Variants in WDSUB1 observed in about 807,000 individuals in gnomAD.
WDSUB1 encodes WD repeat, sterile alpha motif and U-box domain containing 1.
A neutral mutation model predicts 53.9 loss-of-function variants in WDSUB1; 49 were observed. The ratio of observed to expected loss-of-function variants is 0.91; its 90% CI spans 0.72 to 1.15. The LOEUF (loss-of-function observed/expected upper bound fraction) is 1.15. Among genes scored for constraint, WDSUB1 ranks in the 50% most tolerant of loss-of-function variants. The probability of loss-of-function intolerance (pLI) is 0.00; values close to 1 mark genes in which losing one functional copy is unlikely to be tolerated. For synonymous variants in WDSUB1, 194 were observed against 200.6 expected, an observed-to-expected ratio of 0.97 and a Z score of 0.28; for missense variants, 514 against 562.0, an observed-to-expected ratio of 0.91 and a Z score of 0.86.
At chr2:159,243,914 C>T (rs2060721470) in intron 10 of WDSUB1, among the ~76,000 whole-genome samples, 1 of 152,126 alleles carries the variant, frequency 6.6e-6, no homozygotes, top group South Asian at 2.1e-4. Context: ...AATTAAACTG[C>T]TTTGTGCAAC....
chr2:159,250,457 A>G (rs1559535588), intron 9 of WDSUB1, among the ~76,000 whole-genome samples: 1 of 152,238 alleles, frequency 6.6e-6, no homozygotes, highest in African/African-American at 2.4e-5. Context: ...ATTTCAACAC[A>G]AAGTACTCAA....
chr2:159,281,389 C>T (rs1347573265), intron 2 of WDSUB1, among the ~76,000 whole-genome samples: 2 of 152,130 alleles, frequency 1.3e-5, no homozygotes, highest in East Asian at 1.9e-4. Context: ...CAGGCACACG[C>T]CACCACGCCT....
chr2:159,273,960 T>C (rs868287071), intron 4 of WDSUB1, among the ~76,000 whole-genome samples: 8 of 152,194 alleles, frequency 5.3e-5, no homozygotes, highest in Admixed American at 3.9e-4. Flanking sequence ...AATAATATTC[T>C]GAGGCTCCTG....
intron 9 of WDSUB1, among the ~76,000 whole-genome samples, chr2:159,251,539 A>C (rs973748939): frequency 6.6e-6 from 1 of 152,152 alleles, no homozygotes; most frequent in Admixed American, 6.5e-5. Flanking sequence ...CTCTACCGGA[A>C]CCAAACATCT....
chr2:159,275,471 T>C (rs557949821), intron 4 of WDSUB1, 75 bp downstream of exon 4: 1 of 1,231,524 alleles, frequency 8.1e-7, no homozygotes, highest in East Asian at 2.5e-5. Context: ...TCAAGGTACC[T>C]TAAGTAAAAA....
intron 6 of WDSUB1, 23 bp downstream of exon 6, chr2:159,259,787 C>A: frequency 6.6e-7 from 1 of 1,513,240 alleles, no homozygotes; most frequent in Non-Finnish European, 9.0e-7. Flanking sequence ...TCATAGATCA[C>A]CACAAGATTT....
intron 10 of WDSUB1, among the ~76,000 whole-genome samples, chr2:159,237,695 C>G (rs2060520975): frequency 1.0e-5 from 1 of 99,172 alleles, no homozygotes; most frequent in South Asian, 2.7e-4. Flanking sequence ...AGCATACTAG[C>G]CACACTATTT....
intron 4 of WDSUB1, among the ~76,000 whole-genome samples, chr2:159,272,010 T>C (rs532082242): frequency 3.9e-5 from 6 of 152,284 alleles, no homozygotes; most frequent in Non-Finnish European, 7.4e-5. Flanking sequence ...TAAAGTCAAA[T>C]TTTTAAAGAA....
rs181525950 is a variant in WDSUB1, at chr2:159,257,889, G to A, written c.846-25C>T. On this transcript the variant is annotated intron_variant, in intron 7 of 10. Coordinates refer to ENST00000359774, the MANE Select transcript of WDSUB1 (RefSeq NM_001128212.3). ...CCTAGTTAATAAAAACAACTATTAT[G>A]TATCTTCTGACTAATTTTTAAATTA... The A allele has an allele frequency of 8.3e-5, 134 of 1,610,826 alleles. No individual in the cohort carries two copies. In the East Asian group the frequency reaches 2.2e-3, roughly 26 times the overall value.
At chr2:159,262,260 T>C (rs1259528871) in intron 5 of WDSUB1, among the ~76,000 whole-genome samples, 1 of 151,840 alleles carries the variant, frequency 6.6e-6, no homozygotes, top group Non-Finnish European at 1.5e-5. Context: ...TCTATGAGCA[T>C]TGGATTGGGA....
chr2:159,285,726 G>A (rs976937008), intron 1 of WDSUB1, among the ~76,000 whole-genome samples: 22 of 152,050 alleles, frequency 1.4e-4, no homozygotes, highest in African/African-American at 5.3e-4. Flanking sequence ...AAATATTAAG[G>A]CATAAGGAGC....
chr2:159,276,121 C>T (rs936268239), intron 3 of WDSUB1, among the ~76,000 whole-genome samples: 8 of 150,614 alleles, frequency 5.3e-5, no homozygotes, highest in Non-Finnish European at 7.4e-5. Flanking sequence ...TGCAGTGGTG[C>T]GATCTTGGCA....
rs377020254 is a variant in WDSUB1 at position 159,260,072 on chromosome 2, T to G, written c.771-229A>C. Among the ~76,000 whole-genome samples the G allele has an allele frequency of 7.2e-5, 11 of 152,200 alleles. No homozygotes were observed. In the South Asian group the frequency reaches 2.3e-3, roughly 32 times the overall value. Reference sequence around the variant, plus strand: ...TAATCCCAGCACTTTGGGAGGTTGATTCGAGCGGATCATGAGGTCAGGAGT... The same window carrying G: ...TAATCCCAGCACTTTGGGAGGTTGAGTCGAGCGGATCATGAGGTCAGGAGT... On this transcript the variant is annotated intron_variant, in intron 5 of 10. Transcript: ENST00000359774.
Position 159,257,767 on chromosome 2 carries a change from G to A in WDSUB1, c.943C>T (p.Leu315Phe), listed in dbSNP as rs759810220. Residue 315 changes from leucine (L) to phenylalanine (F), a missense_variant, in exon 8 of 11, where the codon CTT becomes TTT. Leu to Phe is a conservative substitution (Grantham distance 22). Coordinates refer to ENST00000359774, the MANE Select transcript of WDSUB1 (RefSeq NM_001128212.3). Reference protein sequence around the residue: ...VNIWQFDLETLCQARRTEHQL... With the variant: ...VNIWQFDLETFCQARRTEHQL... ...TGATGTCCTTACTAACCTTGGCAAA[G>A]TGTTTCCAGGTCAAATTGCCAGATG... The A allele has an allele frequency of 5.0e-6, 8 of 1,613,636 alleles. No individual in the cohort carries two copies. The African/African-American group carries it at 6.7e-5, about 13-fold the overall frequency.
rs199971973 is a variant in WDSUB1, at chr2:159,249,920, A to AAAAG, written c.1133-1412_1133-1409dup. On this transcript the variant is annotated intron_variant, in intron 9 of 10. Coordinates refer to ENST00000359774, the MANE Select transcript of WDSUB1 (RefSeq NM_001128212.3). ...ATCTCTATTAAAAATACAAAAAAAA[A>AAAAG]AAAGAAAGAAAGAAAAAAAATAGCT... Among the ~76,000 whole-genome samples, 33 of 150,368 alleles carry AAAAG rather than the reference A, an allele frequency of 2.2e-4. No individual in the cohort carries two copies. The East Asian group carries it at 5.8e-3, about 26-fold the overall frequency.
intron 5 of WDSUB1, among the ~76,000 whole-genome samples, chr2:159,261,868 ATATATATATATATATATATATATATATAT>A (rs1227546272): frequency 3.5e-3 from 55 of 15,748 alleles, no homozygotes; most frequent in East Asian, 0.019. Flanking sequence ...ATATATATAT[ATATATATATATATATATATATATATATAT>A]TTTTTTTTTT....
chr2:159,258,057 A>G, intron 6 of WDSUB1, 72 bp from the exon 7 acceptor site: 1 of 1,356,284 alleles, frequency 7.4e-7, no homozygotes, highest in Non-Finnish European at 1.1e-6. Flanking sequence ...CTCATTTGAC[A>G]TAAATGGGTT....
chr2:159,260,041 C>T (rs959926303), intron 5 of WDSUB1, among the ~76,000 whole-genome samples, 198 bp from the exon 6 acceptor site: 10 of 152,190 alleles, frequency 6.6e-5, no homozygotes, highest in African/African-American at 1.9e-4. Flanking sequence ...CAGCGGCTCA[C>T]GCCTGTAATC....
At chr2:159,255,691 T>C (rs1233051669) in intron 9 of WDSUB1, among the ~76,000 whole-genome samples, 1 of 152,196 alleles carries the variant, frequency 6.6e-6, no homozygotes, top group Non-Finnish European at 1.5e-5. Context: ...AAAATGGTTT[T>C]CTATAACAAA....
Sources: allele counts gnomAD v4.1 joint callset (sites outside exome capture counted in the v4.1 genomes callset), GRCh38; gene constraint gnomAD v4.1.1; transcripts MANE v1.5; gene names NCBI Gene and HGNC (gene_info 2026-07-23, HGNC 2026-07-21).